TSPYL1: variants seen among roughly 807,000 people sequenced by gnomAD.
TSPYL1 encodes the protein testis-specific Y-encoded-like protein 1.
Under a neutral mutation model 20.1 loss-of-function variants are expected in TSPYL1, and 16 were observed. The ratio of observed to expected loss-of-function variants is 0.80; its 90% CI spans 0.54 to 1.21. TSPYL1 has a LOEUF of 1.21. Among genes scored for constraint, TSPYL1 ranks in the 50% most tolerant of loss-of-function variants. The probability of loss-of-function intolerance (pLI) is 0.00; values close to 1 mark genes in which losing one functional copy is unlikely to be tolerated. For synonymous variants in TSPYL1, 259 were observed against 227.1 expected (o/e 1.14, Z -1.26); for missense variants, 560 against 569.3 (o/e 0.98, Z 0.17).
At position 116,277,551 on chromosome 6, in the gene TSPYL1, C is replaced by T. The variant is rs1243289601; in HGVS notation, c.*966G>A. The T allele has an allele frequency of 6.6e-6, 1 of 152,250 alleles. No homozygotes were observed. The highest frequency in any genetic ancestry group is 1.5e-5 in the Non-Finnish European group (1 of 68,070). 9.4% of individuals were successfully genotyped at this position (152,250 alleles called of 1,614,324 possible). ...AAGGGGAGGGGCGTAAGAGCTCTAG[C>T]ACTCTATTTTACAGGCCAACTTCTT... On this transcript the variant is annotated 3_prime_UTR_variant, in exon 1 of 1. Coordinates refer to ENST00000368608, the MANE Select transcript of TSPYL1 (RefSeq NM_003309.4).
Position 116,278,261 on chromosome 6 carries a change from T to C in TSPYL1, c.*256A>G, listed in dbSNP as rs1316533682. ...CAATCTACAGTATCATTTGCTTGGCTTACAAGTAGTGTGAAGGATGACCTC... is the reference window on the plus strand; with the variant it reads ...CAATCTACAGTATCATTTGCTTGGCCTACAAGTAGTGTGAAGGATGACCTC... On this transcript the variant is annotated 3_prime_UTR_variant, in exon 1 of 1. Transcript: ENST00000368608. 6.1e-6 allele frequency: 3 copies of C among 490,424 alleles called. No individual in the cohort carries two copies. The highest frequency in any genetic ancestry group is 1.1e-5 in the Non-Finnish European group (3 of 268,312). 30.4% of individuals were successfully genotyped at this position (490,424 alleles called of 1,614,324 possible).
Position 116,279,559 on chromosome 6 carries a change from T to G in TSPYL1, c.272A>C (p.His91Pro), listed in dbSNP as rs753244106. The G allele has an allele frequency of 8.7e-6, 14 of 1,603,240 alleles. No homozygotes were observed. The highest frequency in any genetic ancestry group is 1.2e-5 in the Non-Finnish European group (14 of 1,179,934). The change falls in exon 1 of 1, where the codon CAT becomes CCT. Residue 91 changes from histidine (H) to proline (P), a missense_variant. Transcript: ENST00000368608. ...TTCCTGCCCGGCTTTGATCGCCACA[T>G]GACCGCGACCCCCAACAACTCGGAT... ...PQIRVVGGRG[H>P]VAIKAGQEEG...
rs1317102762 is a variant in TSPYL1 at position 116,277,446 on chromosome 6, C to T, written c.*1071G>A. On this transcript the variant is annotated 3_prime_UTR_variant, in exon 1 of 1. Coordinates refer to ENST00000368608, the MANE Select transcript of TSPYL1 (RefSeq NM_003309.4). ...TGTTCAGTTTCTCCTGCTTAGGGCA[C>T]CTTTCATCCCATCTAGATGTGTCTC... 1 of 152,574 alleles carries T rather than the reference C, an allele frequency of 6.6e-6. No homozygotes were observed. Among genetic ancestry groups the T allele is most frequent in the Non-Finnish European group, 1.5e-5 (1 of 68,056 alleles). The allele number at this position is 152,574 out of a possible 1,614,324, so 9.5% of individuals were successfully genotyped here.
In TSPYL1 at chr6:116,279,097, T is replaced by C. The variant is rs759753191; in HGVS notation, c.734A>G (p.Gln245Arg). ...IQLELDTVNA[Q>R]ADRAFQQLEH... ...CAGCTGTTGGAAGGCCCTGTCGGCC[T>C]GAGCATTCACAGTGTCCAGTTCCAG... is the stretch of plus-strand genomic sequence containing the variant. Residue 245 changes from glutamine (Q) to arginine (R), a missense_variant, in exon 1 of 1, where the codon CAG (glutamine) becomes CGG (arginine). Physicochemically the swap from Gln to Arg is conservative, Grantham distance 43 (BLOSUM62 1). Transcript: ENST00000368608. The C allele has an allele frequency of 1.2e-6, 2 of 1,613,758 alleles. No homozygotes were observed. The highest frequency in any genetic ancestry group is 3.3e-5 in the Admixed American group (2 of 60,008).
In TSPYL1 at chr6:116,276,972, CTA is replaced by C. The variant is rs1447972908; in HGVS notation, c.*1543_*1544del. On this transcript the variant is annotated 3_prime_UTR_variant, in exon 1 of 1. Coordinates refer to ENST00000368608, the MANE Select transcript of TSPYL1 (RefSeq NM_003309.4). ...CCTAACAAAGACCAAGTTGTTCAAA[CTA>C]TGTTTCTAGGAATATAGTTTAACAG... is the stretch of plus-strand genomic sequence containing the variant. The C allele has an allele frequency of 1.3e-5, 2 of 152,140 alleles. No individual in the cohort carries two copies. The highest frequency in any genetic ancestry group is 4.8e-5 in the African/African-American group (2 of 41,426). 9.4% of individuals were successfully genotyped at this position (152,140 alleles called of 1,614,324 possible). A position where few individuals can be genotyped will look rare whatever the true frequency, so the allele number is the denominator to read the frequency against.
rs1475749933 is a variant in TSPYL1 at position 116,277,571 on chromosome 6, C to T, written c.*946G>A. 1 of 152,224 alleles carries T rather than the reference C, an allele frequency of 6.6e-6. No individual in the cohort carries two copies. Among genetic ancestry groups the T allele is most frequent in the Non-Finnish European group, 1.5e-5 (1 of 68,048 alleles). The allele number at this position is 152,224 out of a possible 1,614,324, so 9.4% of individuals were successfully genotyped here. On this transcript the variant is annotated 3_prime_UTR_variant, in exon 1 of 1. Coordinates refer to ENST00000368608, the MANE Select transcript of TSPYL1 (RefSeq NM_003309.4). ...TCTAGCACTCTATTTTACAGGCCAA[C>T]TTCTTTGCCTCTGAAAATGACAGAG...
In TSPYL1 at chr6:116,279,795, G is replaced by A. The variant is rs139957998; in HGVS notation, c.36C>T (p.Pro12=). The stretch of plus-strand genomic sequence containing the variant: ...AAATAATGATGCTGTGGGTTTGGAG[G>A]GGAGTGGTCCTCTTGACCCCATCCA... The part of the protein sequence containing the change: ...SGLDGVKRTT[P]LQTHSIIISD... Residue 12 remains proline, a synonymous_variant, in exon 1 of 1, where the codon CCC becomes CCT. Transcript: ENST00000368608. 116 of 1,612,842 alleles carry A rather than the reference G, an allele frequency of 7.2e-5. No homozygotes were observed. The highest frequency in any genetic ancestry group is 8.9e-5 in the Non-Finnish European group (105 of 1,180,056).
Position 116,279,640 on chromosome 6 carries a change from G to A in TSPYL1, c.191C>T (p.Pro64Leu), listed in dbSNP as rs1773376135. The A allele has an allele frequency of 6.2e-7, 1 of 1,604,616 alleles. No individual in the cohort carries two copies. Among genetic ancestry groups the A allele is most frequent in the Non-Finnish European group, 8.5e-7 (1 of 1,179,652 alleles). Residue 64 changes from proline (P) to leucine (L), a missense_variant, in exon 1 of 1, where the codon CCT becomes CTT. Pro to Leu is a moderately conservative substitution (Grantham distance 98, BLOSUM62 -3). Transcript: ENST00000368608. Reference sequence around the variant, plus strand: ...CTGGGGTACGCCCCCCTCCTCTGAAGGCGGTGGAGGCGGGAGCGCGACGGT... The same window carrying A: ...CTGGGGTACGCCCCCCTCCTCTGAAAGCGGTGGAGGCGGGAGCGCGACGGT... ...SETVALPPPP[P>L]SEEGGVPQDA... is the part of the protein sequence containing the mutation.
Position 116,278,418 on chromosome 6 carries a change from C to G in TSPYL1, c.*99G>C, listed in dbSNP as rs1445821592. 1 of 1,542,774 alleles carries G rather than the reference C, an allele frequency of 6.5e-7. No individual in the cohort carries two copies. On this transcript the variant is annotated 3_prime_UTR_variant, in exon 1 of 1. Coordinates refer to ENST00000368608, the MANE Select transcript of TSPYL1 (RefSeq NM_003309.4). ...CAGGGTGCAGAAAAGTCAGCAAAAA[C>G]AAAGCACAATAGAAGGCATACTCAT...
rs1165866526 is a variant in TSPYL1 at position 116,278,585 on chromosome 6, T to C, written c.1246A>G (p.Arg416Gly). 1.9e-6 allele frequency: 3 copies of C among 1,614,204 alleles called. No homozygotes were observed. The highest frequency in any genetic ancestry group is 1.7e-6 in the Non-Finnish European group (2 of 1,180,032). The change falls in exon 1 of 1, where the codon AGA becomes GGA. Residue 416 changes from arginine (R) to glycine (G), a missense_variant. Coordinates refer to ENST00000368608, the MANE Select transcript of TSPYL1 (RefSeq NM_003309.4). ...TCCCTTAGCGGGCGACGTCGGGCTC[T>C]ACGGACTCCTTCACGCAACAGGTAG... The part of the protein sequence containing the change: ...QYYLLREGVR[R>G]ARRRPLREPV...
Position 116,275,203 on chromosome 6 carries a change from C to T in TSPYL1, c.*3314G>A, listed in dbSNP as rs1366064053. Among the ~76,000 whole-genome samples, 1 of 152,212 alleles carries T rather than the reference C, an allele frequency of 6.6e-6. No homozygotes were observed. The highest frequency in any genetic ancestry group is 2.4e-5 in the African/African-American group (1 of 41,452). ...AAAAGTTACTGTATTGGACAACACA[C>T]ATCTAGAGTCTAACCCCCTTCTATC... On this transcript the variant is annotated 3_prime_UTR_variant, in exon 1 of 1. Coordinates refer to ENST00000368608, the MANE Select transcript of TSPYL1 (RefSeq NM_003309.4).
rs910937431 is a variant in TSPYL1 at position 116,276,175 on chromosome 6, G to A, written c.*2342C>T. On this transcript the variant is annotated 3_prime_UTR_variant, in exon 1 of 1. Coordinates refer to ENST00000368608, the MANE Select transcript of TSPYL1 (RefSeq NM_003309.4). ...TTGGCAGAGGAATTACCAAGGGCAG[G>A]CCTTGAAGGATTTGACAGAAGAGAA... is the stretch of plus-strand genomic sequence containing the variant. Among the ~76,000 whole-genome samples, 21 of 152,142 alleles carry A rather than the reference G, an allele frequency of 1.4e-4. No homozygotes were observed. The highest frequency in any genetic ancestry group is 5.1e-4 in the African/African-American group (21 of 41,432).
rs1392720021 is a variant in TSPYL1, at chr6:116,279,912, C to T, written c.-82G>A. On this transcript the variant is annotated 5_prime_UTR_variant, in exon 1 of 1. Coordinates refer to ENST00000368608, the MANE Select transcript of TSPYL1 (RefSeq NM_003309.4). ...TGGGAGCTAACCGCCGCTCGCACCG[C>T]CCACCCTACAGTCTCACTAACATTT... 4.4e-6 allele frequency: 7 copies of T among 1,581,728 alleles called. No individual in the cohort carries two copies. The highest frequency in any genetic ancestry group is 4.3e-6 in the Non-Finnish European group (5 of 1,152,054).
At position 116,279,866 on chromosome 6, in the gene TSPYL1, C is replaced by G. The variant is rs751167981; in HGVS notation, c.-36G>C. On this transcript the variant is annotated 5_prime_UTR_variant, in exon 1 of 1. Transcript: ENST00000368608. ...GTCGGACCAACCGCAGGCGAACGCC[C>G]GTTTTCCTCAGAGGCCGAACTGGGA... 1.7e-5 allele frequency: 28 copies of G among 1,613,038 alleles called. No individual in the cohort carries two copies. The highest frequency in any genetic ancestry group is 1.2e-4 in the South Asian group (11 of 91,056).
chr6:116,279,051 C>T lies in TSPYL1; in HGVS notation c.780G>A (p.Met260Ile). Residue 260 changes from methionine (M) to isoleucine (I), a missense_variant, in exon 1 of 1, where the codon ATG becomes ATA. Transcript: ENST00000368608. ...TCCTCCGCTCCAGGTAGTGTCGACG[C>T]ATCCGCCCAAACTTGTGCTCCAGCT... ...FQQLEHKFGR[M>I]RRHYLERRNY... is the part of the protein sequence containing the mutation. 6.2e-7 allele frequency: 1 copy of T among 1,613,298 alleles called. No individual in the cohort carries two copies. The highest frequency in any genetic ancestry group is 8.5e-7 in the Non-Finnish European group (1 of 1,179,386).
In TSPYL1 at chr6:116,276,679, CTTCA is replaced by C. The variant is rs1773158550; in HGVS notation, c.*1834_*1837del. The C allele has an allele frequency of 1.3e-5, 2 of 152,066 alleles. No homozygotes were observed. Among genetic ancestry groups the C allele is most frequent in the African/African-American group, 2.4e-5 (1 of 41,372 alleles). The allele number at this position is 152,066 out of a possible 1,614,324, so 9.4% of individuals were successfully genotyped here. ...CATAATTTTTAATTAATATGAACAACTTCATTCAAGCATTACATTTATGGGTAAG... is the reference window on the plus strand; with the variant it reads ...CATAATTTTTAATTAATATGAACAACTTCAAGCATTACATTTATGGGTAAG... On this transcript the variant is annotated 3_prime_UTR_variant, in exon 1 of 1. Coordinates refer to ENST00000368608, the MANE Select transcript of TSPYL1 (RefSeq NM_003309.4).
chr6:116,279,918 C>T lies in TSPYL1; in HGVS notation c.-88G>A, dbSNP rs921671668. Reference sequence around the variant, plus strand: ...CTAACCGCCGCTCGCACCGCCCACCCTACAGTCTCACTAACATTTCAGCGG... The same window carrying T: ...CTAACCGCCGCTCGCACCGCCCACCTTACAGTCTCACTAACATTTCAGCGG... On this transcript the variant is annotated 5_prime_UTR_variant, in exon 1 of 1. Coordinates refer to ENST00000368608, the MANE Select transcript of TSPYL1 (RefSeq NM_003309.4). 12 of 1,572,250 alleles carry T rather than the reference C, an allele frequency of 7.6e-6. No homozygotes were observed. Among genetic ancestry groups the T allele is most frequent in the South Asian group, 1.1e-5 (1 of 89,636 alleles).
rs1260649934 is a variant in TSPYL1 at position 116,279,392 on chromosome 6, C to A, written c.439G>T (p.Gly147Trp). Residue 147 changes from glycine (G) to tryptophan (W), a missense_variant, in exon 1 of 1, where the codon GGG becomes TGG. Coordinates refer to ENST00000368608, the MANE Select transcript of TSPYL1 (RefSeq NM_003309.4). ...AQRSASELTA[G>W]AEAEAEEVKT... Reference sequence around the variant, plus strand: ...ACCTCCTCCGCCTCAGCCTCCGCCCCCGCCGTCAGCTCAGACGCGGATCTC... The same window carrying A: ...ACCTCCTCCGCCTCAGCCTCCGCCCACGCCGTCAGCTCAGACGCGGATCTC... 10 of 1,613,086 alleles carry A rather than the reference C, an allele frequency of 6.2e-6. No individual in the cohort carries two copies. Among genetic ancestry groups the A allele is most frequent in the South Asian group, 1.1e-5 (1 of 91,090 alleles).
Position 116,279,784 on chromosome 6 carries a change from T to G in TSPYL1, c.47A>C (p.His16Pro), listed in dbSNP as rs1157648149. ...GVKRTTPLQT[H>P]SIIISDQVPS... ...GACTTGGTCAGAAATAATGATGCTGTGGGTTTGGAGGGGAGTGGTCCTCTT... is the reference window on the plus strand; with the variant it reads ...GACTTGGTCAGAAATAATGATGCTGGGGGTTTGGAGGGGAGTGGTCCTCTT... Residue 16 changes from histidine to proline, a missense_variant, in exon 1 of 1, where the codon CAC becomes CCC. Transcript: ENST00000368608. 10 of 1,612,834 alleles carry G rather than the reference T, an allele frequency of 6.2e-6. No homozygotes were observed. The highest frequency in any genetic ancestry group is 1.3e-5 in the African/African-American group (1 of 75,040).
Sources: gnomAD v4.1 joint callset for allele counts (sites outside exome capture counted in the v4.1 genomes callset) on GRCh38, gnomAD v4.1.1 for gene constraint, MANE v1.5 for transcripts, NCBI Gene and HGNC (gene_info 2026-07-23, HGNC 2026-07-21) for gene names.